The following DIAPH3 variants were observed in gnomAD, a reference collection of about 807,000 sequenced individuals.
The protein encoded by DIAPH3 is protein diaphanous homolog 3.
DIAPH3 carries 117 observed loss-of-function variants against 144.3 expected under a neutral mutation model. The ratio of observed to expected loss-of-function variants is 0.81; its 90% CI spans 0.70 to 0.95. The LOEUF (loss-of-function observed/expected upper bound fraction) is 0.95. DIAPH3 is among the 40% of genes least tolerant of loss of function. The pLI is 0.00. For missense variants in DIAPH3, 1,421 were observed against 1,412.7 expected, an observed-to-expected ratio of 1.01 and a Z score of -0.09; for synonymous variants, 519 against 488.9, an observed-to-expected ratio of 1.06 and a Z score of -0.81.
chr13:59,906,714 G>C (rs1346307906), intron 20 of DIAPH3, among the ~76,000 whole-genome samples: 1 of 152,096 alleles, frequency 6.6e-6, no homozygotes, highest in Non-Finnish European at 1.5e-5. Flanking sequence ...TTGAAGAACA[G>C]GAAGCTTAAC....
intron 1 of DIAPH3, among the ~76,000 whole-genome samples, chr13:60,140,429 T>C (rs2059400664): frequency 6.6e-6 from 1 of 152,138 alleles, no homozygotes; most frequent in African/African-American, 2.4e-5. Context: ...CAGCCTGAGA[T>C]TTCCCCAAAC....
At chr13:59,736,421 C>T (rs560033937) in intron 27 of DIAPH3, among the ~76,000 whole-genome samples, 23 of 152,202 alleles carry the variant, frequency 1.5e-4, no homozygotes, top group African/African-American at 5.3e-4. Context: ...GTAAGTGTTC[C>T]TTTTTCTCCA....
intron 24 of DIAPH3, among the ~76,000 whole-genome samples, chr13:59,816,282 C>T (rs1029844728): frequency 2.0e-5 from 3 of 151,778 alleles, no homozygotes; most frequent in Non-Finnish European, 4.4e-5. Context: ...ACTTCTAGGC[C>T]AAGTATTTAT....
At chr13:59,917,866 G>A (rs1395964169) in intron 18 of DIAPH3, among the ~76,000 whole-genome samples, 7 of 136,684 alleles carry the variant, frequency 5.1e-5, no homozygotes, top group African/African-American at 1.9e-4. Flanking sequence ...CTCCAGCCTG[G>A]GCGACAGAGT....
chr13:59,921,134 A>G (rs1401893534), intron 18 of DIAPH3, among the ~76,000 whole-genome samples: 2 of 101,774 alleles, frequency 2.0e-5, no homozygotes, highest in Non-Finnish European at 4.8e-5. Flanking sequence ...TGTCTACACT[A>G]AAAAAAAAAA....
chr13:59,943,846 A>G (rs910940089), intron 17 of DIAPH3, among the ~76,000 whole-genome samples: 1 of 152,180 alleles, frequency 6.6e-6, no homozygotes, highest in Non-Finnish European at 1.5e-5. Context: ...GATTGGCCTC[A>G]ATTATTTGAG....
intron 5 of DIAPH3, 90 bp downstream of exon 5, chr13:60,042,600 G>A (rs1292438879): frequency 1.3e-6 from 2 of 1,500,936 alleles, no homozygotes; most frequent in Non-Finnish European, 1.8e-6. Context: ...AGAAACTGTT[G>A]AGGTTTACCA....
rs140336084 is a variant in DIAPH3 at position 59,730,606 on chromosome 13, A to C, written c.3319+43583T>G. Among the ~76,000 whole-genome samples, 528 of 152,356 alleles carry C rather than the reference A, an allele frequency of 3.5e-3. 4 individuals carry two copies. The highest frequency in any genetic ancestry group is 0.012 in the African/African-American group (507 of 41,592). On this transcript the variant is annotated intron_variant, in intron 27 of 27. Coordinates refer to ENST00000400324, the MANE Select transcript of DIAPH3 (RefSeq NM_001042517.2). Reference sequence around the variant, plus strand: ...AGGAAAGTAAATATAGACTTAGTTAAAGGTAAAATGAAATTGGTATAAAAA... The same window carrying C: ...AGGAAAGTAAATATAGACTTAGTTACAGGTAAAATGAAATTGGTATAAAAA...
intron 5 of DIAPH3, 70 bp from the exon 6 acceptor site, chr13:60,016,215 C>T: frequency 6.0e-6 from 8 of 1,334,358 alleles, no homozygotes; most frequent in Non-Finnish European, 8.5e-6. Context: ...TATATACCTA[C>T]AAGTATTTTA....
chr13:59,952,969 G>A (rs1450168664), intron 17 of DIAPH3, among the ~76,000 whole-genome samples: 3 of 152,124 alleles, frequency 2.0e-5, no homozygotes, highest in African/African-American at 4.8e-5. Context: ...GTGGGAGTAG[G>A]GAGAGAATAA....
intron 20 of DIAPH3, among the ~76,000 whole-genome samples, chr13:59,885,762 G>A (rs1206976305): frequency 6.6e-6 from 1 of 152,058 alleles, no homozygotes; most frequent in African/African-American, 2.4e-5. Context: ...TTTAGGGTGA[G>A]CCCTAGACTG....
chr13:59,758,779 CTT>C (rs869088245), intron 27 of DIAPH3, among the ~76,000 whole-genome samples: 55 of 138,940 alleles, frequency 4.0e-4, no homozygotes, highest in Non-Finnish European at 3.1e-4. Context: ...TTTTCTCTCT[CTT>C]TTTTTTTTTT....
chr13:60,099,959 GGAAGGAA>G (rs1179053067), intron 3 of DIAPH3, among the ~76,000 whole-genome samples: 8 of 137,542 alleles, frequency 5.8e-5, no homozygotes, highest in Non-Finnish European at 1.3e-4. Flanking sequence ...AAGGAAGGAA[GGAAGGAA>G]GGAAGGAAAG....
At chr13:59,851,566 C>T (rs1220532718) in intron 22 of DIAPH3, among the ~76,000 whole-genome samples, 1 of 151,200 alleles carries the variant, frequency 6.6e-6, no homozygotes, top group Non-Finnish European at 1.5e-5. Flanking sequence ...TTTGTTTTTA[C>T]AGCTCTTTGG....
At chr13:60,147,478 A>G (rs1951584414) in intron 1 of DIAPH3, 1 of 152,214 alleles carries the variant, frequency 6.6e-6, no homozygotes, top group Admixed American at 6.5e-5. Flanking sequence ...TGTAAGGTAC[A>G]GTACAGTGAG....
At chr13:59,717,909 C>T (rs557225727) in intron 27 of DIAPH3, among the ~76,000 whole-genome samples, 2 of 152,182 alleles carry the variant, frequency 1.3e-5, no homozygotes, top group Admixed American at 1.3e-4. Flanking sequence ...AATGGACAAT[C>T]TTATTTGTCA....
At chr13:59,861,705 C>T (rs1378299792) in intron 21 of DIAPH3, among the ~76,000 whole-genome samples, 169 bp from the exon 22 acceptor site, 1 of 152,110 alleles carries the variant, frequency 6.6e-6, no homozygotes. Context: ...CTACTTTTGA[C>T]TTGCTGCTTG....
intron 27 of DIAPH3, among the ~76,000 whole-genome samples, chr13:59,714,096 C>T (rs1013139891): frequency 6.6e-6 from 1 of 152,082 alleles, no homozygotes; most frequent in Non-Finnish European, 1.5e-5. Context: ...CGCGGTGGCT[C>T]ACGCCTGTAA....
intron 4 of DIAPH3, among the ~76,000 whole-genome samples, chr13:60,077,914 A>G (rs1390048376): frequency 2.6e-5 from 4 of 152,094 alleles, no homozygotes; most frequent in Non-Finnish European, 5.9e-5. Context: ...AGACTAGCCT[A>G]TAAGGAGAGA....
Sources: gnomAD v4.1 joint callset for allele counts (sites outside exome capture counted in the v4.1 genomes callset) on GRCh38, gnomAD v4.1.1 for gene constraint, MANE v1.5 for transcripts, NCBI Gene and HGNC (gene_info 2026-07-23, HGNC 2026-07-21) for gene names.